The following ECPAS variants were observed in gnomAD, a reference collection of about 807,000 sequenced individuals.
The protein encoded by ECPAS is Ecm29 proteasome adaptor and scaffold, also known as proteasome adapter and scaffold protein ECM29.
In ECPAS, 70 loss-of-function variants were observed where a neutral mutation model predicts 255.1. The observed-to-expected ratio is 0.27, with a 90% CI of 0.23 to 0.33. The LOEUF (loss-of-function observed/expected upper bound fraction) is 0.33, where lower values mean the gene tolerates loss of function less well. Among genes scored for constraint, ECPAS ranks in the 10% least tolerant of loss-of-function variants. ECPAS has a pLI of 1.00. For missense variants in ECPAS, 1,817 were observed against 2,206.4 expected, an observed-to-expected ratio of 0.82 and a Z score of 3.54; for synonymous variants, 784 against 775.0, an observed-to-expected ratio of 1.01 and a Z score of -0.19.
At chr9:111,383,138 C>G (rs1196134161) in intron 35 of ECPAS, 73 bp downstream of exon 35, 1 of 1,566,884 alleles carries the variant, frequency 6.4e-7, no homozygotes, top group Non-Finnish European at 8.7e-7. Flanking sequence ...TTTCCAGAAT[C>G]TAACCTTGAA....
At chr9:111,444,055 C>A (rs1239741864) in intron 4 of ECPAS, among the ~76,000 whole-genome samples, 1 of 152,154 alleles carries the variant, frequency 6.6e-6, no homozygotes, top group Non-Finnish European at 1.5e-5. Context: ...ACATTTCCCT[C>A]TATTCAGACC....
chr9:111,421,259 A>C (rs2098213218), intron 15 of ECPAS, among the ~76,000 whole-genome samples: 1 of 152,140 alleles, frequency 6.6e-6, no homozygotes, highest in African/African-American at 2.4e-5. Context: ...CAAAATATTA[A>C]ATCATGTCAG....
chr9:111,372,029 C>A (rs1038417565), intron 42 of ECPAS, among the ~76,000 whole-genome samples, 200 bp from the exon 43 acceptor site: 4 of 152,104 alleles, frequency 2.6e-5, no homozygotes, highest in African/African-American at 9.7e-5. Flanking sequence ...AACTTGGGTG[C>A]CCACAGGAAC....
intron 26 of ECPAS, 68 bp downstream of exon 26, chr9:111,394,092 A>T (rs2098164184): frequency 6.9e-7 from 1 of 1,438,884 alleles, no homozygotes; most frequent in Admixed American, 2.6e-5. Flanking sequence ...CTTCACCCTC[A>T]TATGCTTTCC....
Position 111,383,204 on chromosome 9 carries a change from T to C in ECPAS, c.3803+7A>G. On this transcript the variant is annotated splice_region_variant and intron_variant, in intron 35 of 49. Transcript: ENST00000684092. Reference sequence around the variant, plus strand: ...CCAATACATTCATTTCATCAACGGATGCACACCTGAGGGCTCGAACTTCCG... The same window carrying C: ...CCAATACATTCATTTCATCAACGGACGCACACCTGAGGGCTCGAACTTCCG... 3 of 1,613,414 alleles carry C rather than the reference T, an allele frequency of 1.9e-6. No individual in the cohort carries two copies. Among genetic ancestry groups the C allele is most frequent in the Non-Finnish European group, 2.5e-6 (3 of 1,179,432 alleles).
At chr9:111,391,349 G>T (rs1320604552) in intron 29 of ECPAS, among the ~76,000 whole-genome samples, 1 of 152,066 alleles carries the variant, frequency 6.6e-6, no homozygotes, top group African/African-American at 2.4e-5. Context: ...AGGCCGAGGT[G>T]GGTGGATCTC....
At chr9:111,424,578 G>A (rs1455713814) in intron 12 of ECPAS, among the ~76,000 whole-genome samples, 1 of 127,320 alleles carries the variant, frequency 7.9e-6, no homozygotes, top group East Asian at 2.3e-4. Context: ...GCAGGGAAAG[G>A]GATTCAAAAA....
At chr9:111,448,649 C>T (rs1405280185) in intron 3 of ECPAS, among the ~76,000 whole-genome samples, 1 of 152,210 alleles carries the variant, frequency 6.6e-6, no homozygotes, top group African/African-American at 2.4e-5. Flanking sequence ...TGCTGAGCTC[C>T]ATATTCCACA....
At chr9:111,475,569 T>C (rs570653832) in intron 1 of ECPAS, among the ~76,000 whole-genome samples, 25 of 152,234 alleles carry the variant, frequency 1.6e-4, no homozygotes, top group Non-Finnish European at 2.4e-4. Flanking sequence ...ACCCCATCTG[T>C]ACTAAAAATA....
chr9:111,399,830 C>G (rs1351693169), intron 24 of ECPAS, among the ~76,000 whole-genome samples: 3 of 152,236 alleles, frequency 2.0e-5, no homozygotes, highest in Non-Finnish European at 4.4e-5. Context: ...CATGAACAAC[C>G]TAAGTCCCAA....
intron 2 of ECPAS, among the ~76,000 whole-genome samples, chr9:111,470,870 G>C (rs2098287064): frequency 6.6e-6 from 1 of 151,922 alleles, no homozygotes; most frequent in Non-Finnish European, 1.5e-5. Context: ...TAATGAGTAA[G>C]TGCTAGACTC....
rs1188546375 is a variant in ECPAS, at chr9:111,420,018, G to T, written c.1558C>A (p.Pro520Thr). Reference sequence around the variant, plus strand: ...AAATTAACACCTTTTGAAACTTACGGATCTCCTGCAGCCAGTAGCAGCAAA... The same window carrying T: ...AAATTAACACCTTTTGAAACTTACGTATCTCCTGCAGCCAGTAGCAGCAAA... ...RYLLLLAAGD[P>T]REEVHGEAQR... Residue 520 changes from proline to threonine, a missense_variant and splice_region_variant, in exon 16 of 50, where the codon CCA becomes ACA. By Grantham distance (38) the Pro-to-Thr change is conservative (BLOSUM62 -1). This residue lies in a region of ECPAS where 573 missense variants were observed against 716.2 expected (regional missense o/e 0.80). Coordinates refer to ENST00000684092, the MANE Select transcript of ECPAS (RefSeq NM_001364929.1). The T allele has an allele frequency of 1.2e-6, 2 of 1,603,412 alleles. No individual in the cohort carries two copies. Among genetic ancestry groups the T allele is most frequent in the Non-Finnish European group, 1.7e-6 (2 of 1,170,886 alleles).
At chr9:111,452,251 T>C (rs1471884018) in intron 2 of ECPAS, among the ~76,000 whole-genome samples, 1 of 152,202 alleles carries the variant, frequency 6.6e-6, no homozygotes, top group Non-Finnish European at 1.5e-5. Context: ...ATAATGGTAT[T>C]GTGGTTAGGT....
intron 24 of ECPAS, among the ~76,000 whole-genome samples, chr9:111,403,604 C>T (rs928493552): frequency 6.7e-6 from 1 of 149,672 alleles, no homozygotes; most frequent in Non-Finnish European, 1.5e-5. Flanking sequence ...AGCACTCAAA[C>T]GTATAAAGCA....
At chr9:111,409,564 CA>C (rs572633314) in intron 23 of ECPAS, among the ~76,000 whole-genome samples, 4,673 of 127,282 alleles carry the variant, frequency 0.037, 226 homozygotes, top group African/African-American at 0.12. Flanking sequence ...AACTCCATCT[CA>C]AAAAAAAAAA....
At chr9:111,369,432 C>T (rs2098124728) in intron 45 of ECPAS, among the ~76,000 whole-genome samples, 1 of 152,120 alleles carries the variant, frequency 6.6e-6, no homozygotes. Context: ...TTGAGCATAA[C>T]ATGAAAAGAC....
chr9:111,383,968 T>TATC (rs55718434), intron 34 of ECPAS, among the ~76,000 whole-genome samples: 50,465 of 150,826 alleles, frequency 0.33, 11,270 homozygotes, highest in African/African-American at 0.63. Flanking sequence ...TTTGAAGTGT[T>TATC]ATCATCATCA....
Position 111,370,431 on chromosome 9 carries a change from T to C in ECPAS, c.4974+4A>G, listed in dbSNP as rs756595813. On this transcript the variant is annotated splice_donor_region_variant and intron_variant, in intron 45 of 49. Transcript: ENST00000684092. Reference sequence around the variant, plus strand: ...ACCAGAACTGAGGATACAGGTGGTATTACCTTCTTGATGAGAGGTATGACA... The same window carrying C: ...ACCAGAACTGAGGATACAGGTGGTACTACCTTCTTGATGAGAGGTATGACA... 1.9e-6 allele frequency: 3 copies of C among 1,567,094 alleles called. No individual in the cohort carries two copies. The highest frequency in any genetic ancestry group is 2.6e-6 in the Non-Finnish European group (3 of 1,153,238).
intron 24 of ECPAS, among the ~76,000 whole-genome samples, chr9:111,400,709 G>A (rs967749987): frequency 6.6e-6 from 1 of 152,140 alleles, no homozygotes; most frequent in Non-Finnish European, 1.5e-5. Context: ...CTCTGAGACA[G>A]GCTACTTGAA....
Sources: allele counts gnomAD v4.1 joint callset (sites outside exome capture counted in the v4.1 genomes callset), GRCh38; gene constraint gnomAD v4.1.1; regional missense constraint gnomAD v4.1.1; transcripts MANE v1.5; gene names NCBI Gene and HGNC (gene_info 2026-07-23, HGNC 2026-07-21).